The following GPR39 variants were observed in gnomAD, a reference collection of about 807,000 sequenced individuals.
The protein encoded by GPR39 is zinc sensing receptor.
In GPR39, 23 loss-of-function variants were observed where a neutral mutation model predicts 18.4. The observed-to-expected ratio is 1.25, with a 90% confidence interval of 0.90 to 1.77. GPR39 has a LOEUF of 1.77. GPR39 is among the 40% of genes most tolerant of loss of function. The pLI is 0.00. For synonymous variants in GPR39, 280 were observed against 257.9 expected, an observed-to-expected ratio of 1.09 and a Z score of -0.82; for missense variants, 647 against 602.4, an observed-to-expected ratio of 1.07 and a Z score of -0.78.
chr2:132,527,645 AG>A (rs1223034714), intron 1 of GPR39, among the ~76,000 whole-genome samples: 6 of 152,202 alleles, frequency 3.9e-5, no homozygotes, highest in African/African-American at 1.4e-4. Context: ...GACTGCTGTG[AG>A]ATGGTATCTC....
intron 1 of GPR39, among the ~76,000 whole-genome samples, chr2:132,608,734 C>T (rs984937268): frequency 2.0e-5 from 3 of 152,208 alleles, no homozygotes; most frequent in African/African-American, 7.2e-5. Flanking sequence ...CCTGCTAGGG[C>T]TCTGAGAGCA....
chr2:132,516,925 A>T (rs1000464189), intron 1 of GPR39, among the ~76,000 whole-genome samples: 1 of 152,240 alleles, frequency 6.6e-6, no homozygotes, highest in Non-Finnish European at 1.5e-5. Flanking sequence ...AGATTATTTC[A>T]TATTGGTGAT....
intron 1 of GPR39, among the ~76,000 whole-genome samples, chr2:132,525,862 C>T (rs947048309): frequency 6.6e-6 from 1 of 151,994 alleles, no homozygotes; most frequent in African/African-American, 2.4e-5. Context: ...GCTGCTGGGG[C>T]CCAAAAAAGG....
chr2:132,447,656 G>A lies in GPR39; in HGVS notation c.856+29758G>A, dbSNP rs116267083. Among the ~76,000 whole-genome samples, 1,441 of 152,240 alleles carry A rather than the reference G, an allele frequency of 9.5e-3. 12 individuals carry two copies. Among genetic ancestry groups the A allele is most frequent in the Middle Eastern group, 0.034 (10 of 294 alleles). On this transcript the variant is annotated intron_variant, in intron 1 of 1. Transcript: ENST00000329321. Reference sequence around the variant, plus strand: ...TGGAGCCTTAACTAAGAACATTACAGGTGTTCCAAAAATATTTGTTTTTTA... The same window carrying A: ...TGGAGCCTTAACTAAGAACATTACAAGTGTTCCAAAAATATTTGTTTTTTA...
intron 1 of GPR39, among the ~76,000 whole-genome samples, chr2:132,609,175 G>C (rs1681196314): frequency 6.6e-6 from 1 of 152,200 alleles, no homozygotes; most frequent in Non-Finnish European, 1.5e-5. Flanking sequence ...AGAAATCTCA[G>C]ATGTGTTGTA....
intron 1 of GPR39, among the ~76,000 whole-genome samples, chr2:132,453,571 A>T (rs994560471): frequency 6.6e-6 from 1 of 152,148 alleles, no homozygotes; most frequent in Non-Finnish European, 1.5e-5. Flanking sequence ...TATGTCCTGA[A>T]TGATATTCCC....
chr2:132,521,084 G>A (rs537714324), intron 1 of GPR39, among the ~76,000 whole-genome samples: 2 of 152,274 alleles, frequency 1.3e-5, no homozygotes, highest in South Asian at 2.1e-4. Context: ...CACGGGCTTC[G>A]TCCTCATGGT....
At chr2:132,541,635 G>A (rs1679863036) in intron 1 of GPR39, among the ~76,000 whole-genome samples, 3 of 152,164 alleles carry the variant, frequency 2.0e-5, no homozygotes, top group Non-Finnish European at 2.9e-5. Flanking sequence ...AACCCACAGA[G>A]GAGGGTAGGA....
At chr2:132,559,458 C>T (rs556664178) in intron 1 of GPR39, among the ~76,000 whole-genome samples, 52 of 152,090 alleles carry the variant, frequency 3.4e-4, no homozygotes, top group African/African-American at 1.3e-3. Flanking sequence ...TCAGGGAGCC[C>T]GAGTTTCATT....
Position 132,546,220 on chromosome 2 carries a change from C to T in GPR39, c.857-98881C>T, listed in dbSNP as rs80239958. On this transcript the variant is annotated intron_variant, in intron 1 of 1. Coordinates refer to ENST00000329321, the MANE Select transcript of GPR39 (RefSeq NM_001508.3). ...CCCAGGGCTTGTTCAACACAGATTA[C>T]GGGTCCCCACTCTAGAGTTGTAAGT... 8.3e-3 allele frequency among the ~76,000 whole-genome samples: 1,264 copies of T among 152,168 alleles called. 16 individuals carry two copies. Among genetic ancestry groups the T allele is most frequent in the African/African-American group, 0.029 (1,201 of 41,506 alleles).
At chr2:132,522,980 G>A (rs569947684) in intron 1 of GPR39, among the ~76,000 whole-genome samples, 21 of 152,020 alleles carry the variant, frequency 1.4e-4, no homozygotes, top group Admixed American at 5.2e-4. Flanking sequence ...AAGCCCTGGG[G>A]GACGAGGCCC....
At chr2:132,448,556 TAAC>T (rs886845848) in intron 1 of GPR39, among the ~76,000 whole-genome samples, 1 of 152,208 alleles carries the variant, frequency 6.6e-6, no homozygotes, top group African/African-American at 2.4e-5. Flanking sequence ...ACGGCTTTCT[TAAC>T]AGCTGATGCC....
At chr2:132,607,023 T>C (rs1681151515) in intron 1 of GPR39, among the ~76,000 whole-genome samples, 1 of 152,052 alleles carries the variant, frequency 6.6e-6, no homozygotes. Flanking sequence ...ATATATATTT[T>C]CCCCCACTAA....
At chr2:132,558,372 A>G (rs1680191643) in intron 1 of GPR39, among the ~76,000 whole-genome samples, 1 of 152,168 alleles carries the variant, frequency 6.6e-6, no homozygotes, top group South Asian at 2.1e-4. Flanking sequence ...TGGACAAGGA[A>G]TCCCACACAC....
chr2:132,621,935 C>A (rs907366054), intron 1 of GPR39, among the ~76,000 whole-genome samples: 1 of 152,140 alleles, frequency 6.6e-6, no homozygotes, highest in South Asian at 2.1e-4. Context: ...TTAGAGAGGT[C>A]CTGTCACAAA....
intron 1 of GPR39, among the ~76,000 whole-genome samples, chr2:132,619,155 C>A (rs919562914): frequency 6.6e-6 from 1 of 152,210 alleles, no homozygotes; most frequent in South Asian, 2.1e-4. Flanking sequence ...CGAGGCCAAC[C>A]CAGCAGGTGC....
intron 1 of GPR39, among the ~76,000 whole-genome samples, chr2:132,446,879 G>A (rs1358697520): frequency 1.3e-5 from 2 of 152,146 alleles, no homozygotes; most frequent in East Asian, 3.9e-4. Context: ...AGTATGCAGA[G>A]ACAAGTGTGC....
chr2:132,645,181 G>C lies in GPR39; in HGVS notation c.937G>C (p.Asp313His), dbSNP rs267598880. ...RIMAAAKPKH[D>H]WTRSYFRAYM... Reference sequence around the variant, plus strand: ...CATGGCTGCGGCCAAACCCAAGCACGACTGGACGAGGTCCTACTTCCGGGC... The same window carrying C: ...CATGGCTGCGGCCAAACCCAAGCACCACTGGACGAGGTCCTACTTCCGGGC... The change falls in exon 2 of 2, where the codon GAC becomes CAC. Residue 313 changes from aspartate to histidine, a missense_variant. Asp to His is a moderately conservative substitution (Grantham distance 81). Coordinates refer to ENST00000329321, the MANE Select transcript of GPR39 (RefSeq NM_001508.3). The C allele has an allele frequency of 2.0e-5, 32 of 1,614,136 alleles. No individual in the cohort carries two copies. The highest frequency in any genetic ancestry group is 2.5e-5 in the Non-Finnish European group (30 of 1,180,028).
At chr2:132,496,072 T>G (rs1681636416) in intron 1 of GPR39, among the ~76,000 whole-genome samples, 1 of 152,168 alleles carries the variant, frequency 6.6e-6, no homozygotes, top group South Asian at 2.1e-4. Context: ...AAACAGCCGC[T>G]GGGAAGGTTT....
Sources: gnomAD v4.1 joint callset for allele counts (sites outside exome capture counted in the v4.1 genomes callset) on GRCh38, gnomAD v4.1.1 for gene constraint, MANE v1.5 for transcripts, NCBI Gene and HGNC (gene_info 2026-07-23, HGNC 2026-07-21) for gene names.